SORT1: variants seen among roughly 807,000 people sequenced by gnomAD.
The protein encoded by SORT1 is sortilin 1.
Under a neutral mutation model 101.7 loss-of-function variants are expected in SORT1, and 39 were observed. That is an observed-to-expected ratio of 0.38 (90% confidence interval 0.30 to 0.50). The LOEUF is 0.50. Among genes scored for constraint, SORT1 ranks in the 20% least tolerant of loss-of-function variants. The probability of loss-of-function intolerance (pLI) is 0.90; values close to 1 mark genes in which losing one functional copy is unlikely to be tolerated. For synonymous variants in SORT1, 396 were observed against 393.7 expected (o/e 1.01, Z -0.07); for missense variants, 878 against 1,040.4 (o/e 0.84, Z 2.15).
chr1:109,335,307 G>A (rs1028082975), intron 11 of SORT1, among the ~76,000 whole-genome samples: 3 of 152,306 alleles, frequency 2.0e-5, no homozygotes, highest in Middle Eastern at 3.4e-3. Context: ...AGGCAGCAAG[G>A]CAAACACAGA....
intron 15 of SORT1, among the ~76,000 whole-genome samples, chr1:109,320,703 C>A (rs1647568218): frequency 6.6e-6 from 1 of 152,224 alleles, no homozygotes; most frequent in Non-Finnish European, 1.5e-5. Flanking sequence ...GCACCTGGCA[C>A]CTTCTGTTTT....
At chr1:109,324,086 C>T (rs1156603931) in intron 14 of SORT1, among the ~76,000 whole-genome samples, 7 of 152,028 alleles carry the variant, frequency 4.6e-5, no homozygotes, top group Non-Finnish European at 8.8e-5. Flanking sequence ...ATTATGCCAA[C>T]ACTTAACTAC....
At chr1:109,377,270 C>T (rs1412077328) in intron 1 of SORT1, among the ~76,000 whole-genome samples, 1 of 152,158 alleles carries the variant, frequency 6.6e-6, no homozygotes, top group Non-Finnish European at 1.5e-5. Flanking sequence ...TGGTATTACC[C>T]ATCAGGCCTA....
chr1:109,310,001 A>T lies in SORT1; in HGVS notation c.*4042T>A, dbSNP rs1342915718. On this transcript the variant is annotated 3_prime_UTR_variant, in exon 20 of 20. Coordinates refer to ENST00000256637, the MANE Select transcript of SORT1 (RefSeq NM_002959.7). The stretch of plus-strand genomic sequence containing the variant: ...CGAGGATAAGGAGAGTATGACCAAA[A>T]CCCTCCTCCCTAGAGGTCCAAACAC... 6.6e-6 allele frequency: 1 copy of T among 152,408 alleles called. No homozygotes were observed. Among genetic ancestry groups the T allele is most frequent in the Non-Finnish European group, 1.5e-5 (1 of 68,018 alleles). 9.4% of individuals were successfully genotyped at this position (152,408 alleles called of 1,614,324 possible).
chr1:109,333,591 C>T (rs975007217), intron 11 of SORT1, among the ~76,000 whole-genome samples: 16 of 152,054 alleles, frequency 1.1e-4, no homozygotes, highest in Admixed American at 9.8e-4. Flanking sequence ...GGGCAAAGGA[C>T]CTGAACAGCC....
chr1:109,334,800 G>C (rs1220144876), intron 11 of SORT1, among the ~76,000 whole-genome samples: 1 of 151,960 alleles, frequency 6.6e-6, no homozygotes, highest in Non-Finnish European at 1.5e-5. Context: ...TACAATTTTT[G>C]TCAATTATGC....
chr1:109,314,392 C>T lies in SORT1; in HGVS notation c.2358-8G>A, dbSNP rs1310770838. 4 of 1,613,326 alleles carry T rather than the reference C, an allele frequency of 2.5e-6. No homozygotes were observed. The highest frequency in any genetic ancestry group is 1.3e-5 in the African/African-American group (1 of 74,874). ...TATCGATGCACCAGGAACCTGTGAA[C>T]AGAAACCTCCTTAACACTCGGTGGT... On this transcript the variant is annotated splice_polypyrimidine_tract_variant and splice_region_variant and intron_variant, in intron 18 of 19. Transcript: ENST00000256637.
intron 3 of SORT1, 142 bp downstream of exon 3, chr1:109,367,266 G>C: frequency 5.1e-6 from 3 of 591,176 alleles, no homozygotes; most frequent in Non-Finnish European, 9.1e-6. Flanking sequence ...AACATGTGCT[G>C]AGTGTGACAG....
At chr1:109,396,199 A>G (rs975925403) in intron 1 of SORT1, among the ~76,000 whole-genome samples, 1 of 152,202 alleles carries the variant, frequency 6.6e-6, no homozygotes, top group African/African-American at 2.4e-5. Flanking sequence ...AGAAAAAGAA[A>G]AACAGGAGTA....
rs997484458 is a variant in SORT1 at position 109,347,539 on chromosome 1, T to A, written c.783-7A>T. On this transcript the variant is annotated splice_region_variant and splice_polypyrimidine_tract_variant and intron_variant, in intron 6 of 19. Coordinates refer to ENST00000256637, the MANE Select transcript of SORT1 (RefSeq NM_002959.7). ...GATGGTGTTGTCTGATCCCCTACAA[T>A]GAGGCAAAAACAGGGAAAAGAAATG... The A allele has an allele frequency of 6.2e-7, 1 of 1,604,442 alleles. No individual in the cohort carries two copies. Among genetic ancestry groups the A allele is most frequent in the African/African-American group, 1.3e-5 (1 of 74,722 alleles).
chr1:109,360,007 A>C lies in SORT1; in HGVS notation c.441-4538T>G, dbSNP rs114004628. 1.8e-3 allele frequency among the ~76,000 whole-genome samples: 276 copies of C among 152,288 alleles called. 2 individuals are homozygous for C. Among genetic ancestry groups the C allele is most frequent in the African/African-American group, 6.3e-3 (263 of 41,558 alleles). ...GGCACAGTATAGACATTTCCATTCC[A>C]AAAAAGGGAAATGGAAAAGACGAAA... On this transcript the variant is annotated intron_variant, in intron 3 of 19. Transcript: ENST00000256637.
intron 1 of SORT1, among the ~76,000 whole-genome samples, chr1:109,388,665 G>A (rs1417609114): frequency 2.0e-5 from 3 of 152,196 alleles, no homozygotes; most frequent in African/African-American, 4.8e-5. Context: ...CTGGTAATGT[G>A]TCAGAAGCTT....
In SORT1 at chr1:109,313,463, GAA is replaced by G. The variant is rs111233099; in HGVS notation, c.*578_*579del. The G allele has an allele frequency of 5.6e-5, 8 of 143,756 alleles. No individual in the cohort carries two copies. Among genetic ancestry groups the G allele is most frequent in the African/African-American group, 1.5e-4 (6 of 39,298 alleles). The allele number at this position is 143,756 out of a possible 1,614,324, so 8.9% of individuals were successfully genotyped here. On this transcript the variant is annotated 3_prime_UTR_variant, in exon 20 of 20. Transcript: ENST00000256637. ...AAAATCACTGTGGTCTGTGGTCTCTGAAAAAAAAAAAAAGAGTAAGTGGGATC... is the reference window on the plus strand; with the variant it reads ...AAAATCACTGTGGTCTGTGGTCTCTGAAAAAAAAAAAGAGTAAGTGGGATC...
Position 109,326,996 on chromosome 1 carries a change from T to C in SORT1, c.1639A>G (p.Ile547Val). Residue 547 changes from isoleucine to valine, a missense_variant, in exon 13 of 20, where the codon ATT becomes GTT. Coordinates refer to ENST00000256637, the MANE Select transcript of SORT1 (RefSeq NM_002959.7). Reference sequence around the variant, plus strand: ...GTGAGATGAGTTCATGCATACTTAATCACATTGATAGGACGGCTGCTGTGC... The same window carrying C: ...GTGAGATGAGTTCATGCATACTTAACCACATTGATAGGACGGCTGCTGTGC... ...IEHSSRPINV[I>V]KFSTDEGQCW... The C allele has an allele frequency of 6.2e-7, 1 of 1,610,828 alleles. No homozygotes were observed. The highest frequency in any genetic ancestry group is 8.5e-7 in the Non-Finnish European group (1 of 1,179,064).
intron 10 of SORT1, among the ~76,000 whole-genome samples, chr1:109,339,266 T>C (rs1649053113): frequency 6.6e-6 from 1 of 152,228 alleles, no homozygotes; most frequent in African/African-American, 2.4e-5. Flanking sequence ...CAGTCTTAAA[T>C]GTTTTTCAAG....
At chr1:109,346,420 C>T (rs549329512) in intron 7 of SORT1, among the ~76,000 whole-genome samples, 46 of 151,386 alleles carry the variant, frequency 3.0e-4, no homozygotes, top group Non-Finnish European at 6.0e-4. Flanking sequence ...TAAGAGATTA[C>T]TTAATTCTAA....
At chr1:109,337,726 C>A (rs550871426) in intron 10 of SORT1, among the ~76,000 whole-genome samples, 2 of 152,298 alleles carry the variant, frequency 1.3e-5, no homozygotes, top group South Asian at 4.1e-4. Context: ...CTCCCGGGTT[C>A]AAGCGATTCT....
chr1:109,334,822 TG>T (rs1163193209), intron 11 of SORT1, among the ~76,000 whole-genome samples: 16 of 152,134 alleles, frequency 1.1e-4, no homozygotes, highest in African/African-American at 3.9e-4. Flanking sequence ...TCCATAAAGC[TG>T]GGGAAAAAAG....
chr1:109,365,767 T>C (rs1028752807), intron 3 of SORT1, among the ~76,000 whole-genome samples: 2 of 152,212 alleles, frequency 1.3e-5, no homozygotes, highest in East Asian at 1.9e-4. Flanking sequence ...ACACTGTAGT[T>C]AGATGGCAAT....
Sources: gnomAD v4.1 joint callset for allele counts (sites outside exome capture counted in the v4.1 genomes callset) on GRCh38, gnomAD v4.1.1 for gene constraint, MANE v1.5 for transcripts, NCBI Gene and HGNC (gene_info 2026-07-23, HGNC 2026-07-21) for gene names.